PDE8B: variants seen among roughly 807,000 people sequenced by gnomAD.
PDE8B encodes phosphodiesterase 8B, also known as high affinity cAMP-specific and IBMX-insensitive 3',5'-cyclic phosphodiesterase 8B.
In PDE8B, 26 loss-of-function variants were observed where a neutral mutation model predicts 101.3. That is an observed-to-expected ratio of 0.26 (90% CI 0.19 to 0.36). PDE8B has a LOEUF of 0.36. Ranked by LOEUF, PDE8B falls within the 10% of genes least tolerant of loss-of-function variation. The pLI is 1.00. For missense variants in PDE8B, 810 were observed against 1,163.1 expected, an observed-to-expected ratio of 0.70 and a Z score of 4.42; for synonymous variants, 424 against 429.3, an observed-to-expected ratio of 0.99 and a Z score of 0.15.
chr5:77,282,633 C>CT (rs1765237187), intron 1 of PDE8B, among the ~76,000 whole-genome samples: 1 of 152,074 alleles, frequency 6.6e-6, no homozygotes, highest in East Asian at 1.9e-4. Flanking sequence ...GAGGCAGTGC[C>CT]TGCAGCGGCT....
the PDE8B span, among the ~76,000 whole-genome samples, chr5:77,142,963 A>G: frequency 6.6e-6 from 1 of 152,122 alleles, no homozygotes; most frequent in Non-Finnish European, 1.5e-5. Context: ...GGATCATAAG[A>G]GAGAGGAGCT....
the PDE8B span, chr5:77,140,993 T>A: frequency 6.6e-6 from 1 of 152,116 alleles, no homozygotes; most frequent in Non-Finnish European, 1.5e-5. Context: ...TATAAAAAAA[T>A]TTTCTCTGTG....
chr5:77,299,670 CGTT>C (rs1192744931), intron 1 of PDE8B, among the ~76,000 whole-genome samples: 2 of 151,948 alleles, frequency 1.3e-5, no homozygotes, highest in Non-Finnish European at 2.9e-5. Flanking sequence ...TCCAGTCTAT[CGTT>C]GTTGGACATT....
At chr5:77,137,179 G>T in the PDE8B span, among the ~76,000 whole-genome samples, 33 of 152,282 alleles carry the variant, frequency 2.2e-4, no homozygotes, top group East Asian at 6.0e-3. Context: ...GGAGAGATAA[G>T]GTCTTTTCTC....
At chr5:77,397,178 C>G (rs981303450) in intron 10 of PDE8B, among the ~76,000 whole-genome samples, 2 of 151,386 alleles carry the variant, frequency 1.3e-5, no homozygotes, top group Admixed American at 1.3e-4. Flanking sequence ...TACAGGTGCA[C>G]ACCACCCTGC....
chr5:77,331,336 C>T (rs1195359944), intron 4 of PDE8B, 66 bp from the exon 5 acceptor site: 5 of 1,385,278 alleles, frequency 3.6e-6, no homozygotes, highest in Admixed American at 1.7e-5. Flanking sequence ...GCTCTCTCTC[C>T]GTGTTTCAGT....
chr5:77,352,688 A>G (rs905866894), intron 9 of PDE8B, among the ~76,000 whole-genome samples: 4 of 152,186 alleles, frequency 2.6e-5, no homozygotes, highest in Non-Finnish European at 4.4e-5. Flanking sequence ...TCTGGGGGCA[A>G]AAAACCTAAT....
Position 77,377,035 on chromosome 5 carries a change from C to T in PDE8B, c.1168-23213C>T, listed in dbSNP as rs1027744675. Among the ~76,000 whole-genome samples the T allele has an allele frequency of 1.6e-4, 24 of 152,014 alleles. 1 individual carries two copies. Among genetic ancestry groups the T allele is most frequent in the Admixed American group, 1.5e-3 (23 of 15,264 alleles). ...CTTTAAACAAAATGAAATTTCTGTCCCTGTTTATATGTAAGTGTCTGTCAC... is the reference window on the plus strand; with the variant it reads ...CTTTAAACAAAATGAAATTTCTGTCTCTGTTTATATGTAAGTGTCTGTCAC... On this transcript the variant is annotated intron_variant, in intron 10 of 21. Coordinates refer to ENST00000264917, the MANE Select transcript of PDE8B (RefSeq NM_003719.5).
At chr5:77,381,630 A>C (rs756229849) in intron 10 of PDE8B, among the ~76,000 whole-genome samples, 1 of 151,902 alleles carries the variant, frequency 6.6e-6, no homozygotes, top group African/African-American at 2.4e-5. Context: ...TTTTTTTTAA[A>C]TAAAAGGTTG....
At chr5:77,103,677 G>A in the PDE8B span, among the ~76,000 whole-genome samples, 1 of 152,186 alleles carries the variant, frequency 6.6e-6, no homozygotes, top group South Asian at 2.1e-4. Context: ...TGCATGTGGG[G>A]AAGGGTGATG....
At chr5:77,103,715 A>G in the PDE8B span, among the ~76,000 whole-genome samples, 1,653 of 152,250 alleles carry the variant, frequency 0.011, 33 homozygotes, top group African/African-American at 0.036. Context: ...AGCAACCAGG[A>G]TCAAAGGTCA....
the PDE8B span, among the ~76,000 whole-genome samples, chr5:77,093,977 G>A: frequency 6.6e-6 from 1 of 152,022 alleles, no homozygotes; most frequent in Non-Finnish European, 1.5e-5. Flanking sequence ...CCACAACAAA[G>A]TATCACAAAC....
chr5:77,232,609 T>G (rs1010117109), intron 1 of PDE8B, among the ~76,000 whole-genome samples: 4 of 152,226 alleles, frequency 2.6e-5, no homozygotes, highest in Admixed American at 2.0e-4. Flanking sequence ...TAGTGAAATA[T>G]ACCAACTTGA....
intron 1 of PDE8B, among the ~76,000 whole-genome samples, chr5:77,307,505 T>C (rs1242879865): frequency 1.3e-5 from 2 of 152,174 alleles, no homozygotes; most frequent in Non-Finnish European, 2.9e-5. Flanking sequence ...AATGATGTAT[T>C]CCTAATTTTG....
chr5:77,346,602 C>T (rs929151249), intron 7 of PDE8B, among the ~76,000 whole-genome samples: 2 of 152,198 alleles, frequency 1.3e-5, no homozygotes, highest in South Asian at 2.1e-4. Context: ...TATTAATCAT[C>T]TCCCAGCCTT....
intron 3 of PDE8B, among the ~76,000 whole-genome samples, 153 bp from the exon 4 acceptor site, chr5:77,328,845 G>C (rs559171550): frequency 6.6e-6 from 1 of 152,200 alleles, no homozygotes; most frequent in South Asian, 2.1e-4. Flanking sequence ...AATCCACAAG[G>C]GCATCTTTCT....
Position 77,427,262 on chromosome 5 carries a change from ATGAG to A in PDE8B, c.*709_*712del, listed in dbSNP as rs1798311067. 6.6e-6 allele frequency: 1 copy of A among 152,526 alleles called. No individual in the cohort carries two copies. Among genetic ancestry groups the A allele is most frequent in the African/African-American group, 2.4e-5 (1 of 41,408 alleles). The allele number at this position is 152,526 out of a possible 1,614,324, so 9.4% of individuals were successfully genotyped here. A position where few individuals can be genotyped will look rare whatever the true frequency, so the allele number is the denominator to read the frequency against. The stretch of plus-strand genomic sequence containing the variant: ...GTTCATCTTAACAAAGTCATCCATG[ATGAG>A]GGAAAAAGTGGCATTTCATTTTTGG... On this transcript the variant is annotated 3_prime_UTR_variant, in exon 22 of 22. Transcript: ENST00000264917.
intron 1 of PDE8B, among the ~76,000 whole-genome samples, chr5:77,281,893 G>A (rs1765089179): frequency 6.6e-6 from 1 of 152,102 alleles, no homozygotes; most frequent in South Asian, 2.1e-4. Flanking sequence ...CACCTCAACT[G>A]GACTACCTGG....
intron 10 of PDE8B, among the ~76,000 whole-genome samples, chr5:77,387,973 A>G (rs1051103632): frequency 6.6e-6 from 1 of 152,090 alleles, no homozygotes; most frequent in Admixed American, 6.5e-5. Context: ...ATAGCAATTC[A>G]TCTAACCTTT....
Sources: allele counts gnomAD v4.1 joint callset (sites outside exome capture counted in the v4.1 genomes callset), GRCh38; gene constraint gnomAD v4.1.1; transcripts MANE v1.5; gene names NCBI Gene and HGNC (gene_info 2026-07-23, HGNC 2026-07-21).